CIB4: variants seen among roughly 807,000 people sequenced by gnomAD.
The protein encoded by CIB4 is calcium and integrin-binding family member 4.
A neutral mutation model predicts 25.8 loss-of-function variants in CIB4; 25 were observed. The observed-to-expected ratio is 0.97, with a 90% CI of 0.71 to 1.35. The LOEUF is 1.35. Among genes scored for constraint, CIB4 ranks in the 40% most tolerant of loss-of-function variants. CIB4 has a pLI of 0.00. For missense variants in CIB4, 235 were observed against 228.2 expected, an observed-to-expected ratio of 1.03 and a Z score of -0.19; for synonymous variants, 75 against 81.4, an observed-to-expected ratio of 0.92 and a Z score of 0.42.
At chr2:26,628,831 G>A (rs1360374100) in intron 3 of CIB4, among the ~76,000 whole-genome samples, 1 of 152,188 alleles carries the variant, frequency 6.6e-6, no homozygotes, top group East Asian at 1.9e-4. Context: ...AGGGCTGAGG[G>A]ACTGGGCCGA....
At chr2:26,601,295 G>A (rs555196674) in intron 3 of CIB4, among the ~76,000 whole-genome samples, 1 of 144,802 alleles carries the variant, frequency 6.9e-6, no homozygotes, top group East Asian at 2.0e-4. Flanking sequence ...AGTAATTAAT[G>A]TGGTATGGTA....
intron 4 of CIB4, among the ~76,000 whole-genome samples, chr2:26,586,913 C>T (rs984465422): frequency 6.6e-6 from 1 of 152,130 alleles, no homozygotes; most frequent in Non-Finnish European, 1.5e-5. Flanking sequence ...GTGTGGTCGT[C>T]TGGGATAATG....
At position 26,589,061 on chromosome 2, in the gene CIB4, TCTTCC is replaced by T. The variant is rs1558554862; in HGVS notation, c.329-5168_329-5164del. Among the ~76,000 whole-genome samples the T allele has an allele frequency of 3.9e-3, 123 of 31,294 alleles. 6 individuals are homozygous for T. Among genetic ancestry groups the T allele is most frequent in the East Asian group, 8.3e-3 (8 of 962 alleles). The allele number at this position is 31,294 out of a possible 152,430, so 20.5% of individuals were successfully genotyped here. A position where few individuals can be genotyped will look rare whatever the true frequency, so the allele number is the denominator to read the frequency against. On this transcript the variant is annotated intron_variant, in intron 4 of 6. Coordinates refer to ENST00000288861, the MANE Select transcript of CIB4 (RefSeq NM_001029881.3). ...TTCTTCTTCTTCTTCTTCTTCTTCCTCTTCCTCTTCCTCTTCTTCTTCTTCTTCTT... is the reference window on the plus strand; with the variant it reads ...TTCTTCTTCTTCTTCTTCTTCTTCCTTCTTCCTCTTCTTCTTCTTCTTCTT...
chr2:26,595,924 CACACAA>C (rs1427249466), intron 3 of CIB4, among the ~76,000 whole-genome samples: 1 of 151,686 alleles, frequency 6.6e-6, no homozygotes, highest in African/African-American at 2.4e-5. Context: ...CACACACACA[CACACAA>C]ACCATGTCTT....
intron 4 of CIB4, among the ~76,000 whole-genome samples, chr2:26,589,127 T>C (rs1572540614): frequency 1.5e-5 from 2 of 134,572 alleles, no homozygotes; most frequent in African/African-American, 5.9e-5. Context: ...TTCTTCTTCT[T>C]CTTCTTCTTC....
At chr2:26,616,071 G>C (rs576695261) in intron 3 of CIB4, among the ~76,000 whole-genome samples, 1 of 152,206 alleles carries the variant, frequency 6.6e-6, no homozygotes, top group South Asian at 2.1e-4. Flanking sequence ...GACTGTGGTG[G>C]CTGGGCTGCT....
chr2:26,618,872 C>A (rs967924247), intron 3 of CIB4, among the ~76,000 whole-genome samples: 1 of 152,204 alleles, frequency 6.6e-6, no homozygotes, highest in Non-Finnish European at 1.5e-5. Context: ...ACCAAGGCAT[C>A]TCCCACCGGC....
intron 2 of CIB4, among the ~76,000 whole-genome samples, chr2:26,636,619 T>G (rs1054288777): frequency 1.3e-5 from 2 of 152,200 alleles, no homozygotes; most frequent in Admixed American, 6.5e-5. Flanking sequence ...TGGGTCTTCT[T>G]TTTTCTTGGT....
At chr2:26,603,007 A>G (rs1668821474) in intron 3 of CIB4, among the ~76,000 whole-genome samples, 1 of 128,822 alleles carries the variant, frequency 7.8e-6, no homozygotes, top group Admixed American at 9.8e-5. Flanking sequence ...GTGATCTATG[A>G]TCGCTCCACT....
intron 3 of CIB4, among the ~76,000 whole-genome samples, chr2:26,626,910 C>A (rs1158145099): frequency 1.3e-5 from 2 of 152,170 alleles, no homozygotes; most frequent in African/African-American, 4.8e-5. Flanking sequence ...GTGCAGAGGA[C>A]AATGGCTCAC....
chr2:26,597,049 T>C (rs898866441), intron 3 of CIB4, among the ~76,000 whole-genome samples: 2 of 152,242 alleles, frequency 1.3e-5, no homozygotes, highest in African/African-American at 4.8e-5. Flanking sequence ...TTTAGCGTTA[T>C]TGCTTTTCTA....
chr2:26,625,166 G>A (rs553772325), intron 3 of CIB4, among the ~76,000 whole-genome samples: 2 of 152,128 alleles, frequency 1.3e-5, no homozygotes, highest in South Asian at 2.1e-4. Context: ...CCAGATCATC[G>A]GTCCAATCTC....
intron 3 of CIB4, among the ~76,000 whole-genome samples, chr2:26,628,807 C>T (rs546127065): frequency 2.6e-5 from 4 of 152,218 alleles, no homozygotes; most frequent in African/African-American, 7.2e-5. Context: ...TTGAGGCAGC[C>T]TGAGGAGAAG....
At chr2:26,628,172 T>A (rs1412719550) in intron 3 of CIB4, among the ~76,000 whole-genome samples, 2 of 152,226 alleles carry the variant, frequency 1.3e-5, no homozygotes, top group African/African-American at 4.8e-5. Flanking sequence ...TTAATTAAAA[T>A]CTCAGGAGTG....
intron 3 of CIB4, among the ~76,000 whole-genome samples, chr2:26,611,893 C>T (rs755616028): frequency 1.1e-4 from 17 of 151,204 alleles, no homozygotes; most frequent in Non-Finnish European, 1.3e-4. Flanking sequence ...TGTATGTCTA[C>T]GATATTATAA....
intron 3 of CIB4, among the ~76,000 whole-genome samples, chr2:26,609,763 C>A (rs1210263371): frequency 6.6e-6 from 1 of 152,322 alleles, no homozygotes; most frequent in African/African-American, 2.4e-5. Context: ...TGCTGTTGTA[C>A]TATGAGTAGC....
In CIB4 at chr2:26,589,107, C is replaced by CTT. The variant is rs1558555120; in HGVS notation, c.329-5210_329-5209insAA. 1.3e-3 allele frequency among the ~76,000 whole-genome samples: 123 copies of CTT among 92,314 alleles called. 19 individuals are homozygous for CTT. The highest frequency in any genetic ancestry group is 5.4e-3 in the African/African-American group (108 of 19,966). 60.6% of individuals were successfully genotyped at this position (92,314 alleles called of 152,430 possible). A position where few individuals can be genotyped will look rare whatever the true frequency, so the allele number is the denominator to read the frequency against. ...TCTTCTTCTTCTTCTTCTTCTTCTT[C>CTT]CTCTTCTTCTTCTTCTTCTTCTTCT... On this transcript the variant is annotated intron_variant, in intron 4 of 6. Coordinates refer to ENST00000288861, the MANE Select transcript of CIB4 (RefSeq NM_001029881.3).
At chr2:26,628,702 G>A (rs1422068305) in intron 3 of CIB4, among the ~76,000 whole-genome samples, 2 of 152,200 alleles carry the variant, frequency 1.3e-5, no homozygotes, top group African/African-American at 4.8e-5. Context: ...AGGCAGGTTG[G>A]GAGGACAGTC....
At chr2:26,613,919 A>G (rs1669044134) in intron 3 of CIB4, among the ~76,000 whole-genome samples, 1 of 152,216 alleles carries the variant, frequency 6.6e-6, no homozygotes, top group South Asian at 2.1e-4. Flanking sequence ...TGAAGAGCAG[A>G]GGCCGCTGAC....
Sources: gnomAD v4.1 joint callset for allele counts (sites outside exome capture counted in the v4.1 genomes callset) on GRCh38, gnomAD v4.1.1 for gene constraint, MANE v1.5 for transcripts, NCBI Gene and HGNC (gene_info 2026-07-23, HGNC 2026-07-21) for gene names.